Variants in RXRG observed in about 807,000 individuals in gnomAD.
RXRG encodes the protein retinoid X receptor gamma.
Under a neutral mutation model 49.2 loss-of-function variants are expected in RXRG, and 19 were observed. The ratio of observed to expected loss-of-function variants is 0.39; its 90% CI spans 0.27 to 0.57. The LOEUF (loss-of-function observed/expected upper bound fraction) is 0.57. Ranked by LOEUF, RXRG falls within the 20% of genes least tolerant of loss-of-function variation. The pLI, the probability that RXRG is intolerant of heterozygous loss-of-function variation, is 0.64. For missense variants in RXRG, 452 were observed against 592.5 expected (o/e 0.76, Z 2.46); for synonymous variants, 224 against 216.6 (o/e 1.03, Z -0.30).
At chr1:165,434,984 C>A (rs1358207593) in intron 1 of RXRG, among the ~76,000 whole-genome samples, 3 of 152,150 alleles carry the variant, frequency 2.0e-5, no homozygotes, top group Non-Finnish European at 4.4e-5. Context: ...TGAGCAATTG[C>A]CACAAGCCAG....
chr1:165,404,818 G>A (rs187373573), intron 9 of RXRG, among the ~76,000 whole-genome samples: 16 of 152,080 alleles, frequency 1.1e-4, no homozygotes, highest in Non-Finnish European at 1.5e-4. Flanking sequence ...GAGTGCAATG[G>A]CATGATCTCA....
chr1:165,410,137 T>C (rs1189900199), intron 6 of RXRG, among the ~76,000 whole-genome samples: 1 of 152,210 alleles, frequency 6.6e-6, no homozygotes, highest in Non-Finnish European at 1.5e-5. Context: ...CAGCTGACAC[T>C]CAGTGAGTGC....
intron 3 of RXRG, 21 bp from the exon 4 acceptor site, chr1:165,417,241 T>G: frequency 6.4e-7 from 1 of 1,574,100 alleles, no homozygotes; most frequent in Non-Finnish European, 8.7e-7. Flanking sequence ...GAAAAGAACA[T>G]TCCATAGATT....
chr1:165,406,825 C>T lies in RXRG; in HGVS notation c.1231G>A (p.Glu411Lys), dbSNP rs780391845. 1 of 1,613,612 alleles carries T rather than the reference C, an allele frequency of 6.2e-7. No individual in the cohort carries two copies. The highest frequency in any genetic ancestry group is 1.7e-5 in the Admixed American group (1 of 60,018). ...LEAYTKQKYP[E>K]QPGRFAKLLL... is the part of the protein sequence containing the mutation. ...GCACTGTCTCACCTGCCTGGCTGTT[C>T]CGGATACTTCTGCTTGGTGTAGGCC... is the stretch of plus-strand genomic sequence containing the variant. Residue 411 changes from glutamate (E) to lysine (K), a missense_variant, in exon 9 of 10, where the codon GAA (glutamate) becomes AAA (lysine). This residue lies in a region of RXRG where 286 missense variants were observed against 440.9 expected (regional missense o/e 0.65). Transcript: ENST00000359842.
intron 2 of RXRG, 147 bp from the exon 3 acceptor site, chr1:165,420,161 T>A: frequency 1.7e-6 from 1 of 575,572 alleles, no homozygotes; most frequent in Non-Finnish European, 2.7e-6. Flanking sequence ...TGCCTATCTG[T>A]GAGATGAACT....
chr1:165,420,718 A>T (rs1360679311), intron 2 of RXRG, among the ~76,000 whole-genome samples: 1 of 152,236 alleles, frequency 6.6e-6, no homozygotes, highest in Non-Finnish European at 1.5e-5. Flanking sequence ...GATTCCTCAG[A>T]AACTGAGGCT....
In RXRG at chr1:165,417,147, G is replaced by A; in HGVS notation, c.516C>T (p.Ile172=). 1 of 1,614,176 alleles carries A rather than the reference G, an allele frequency of 6.2e-7. No individual in the cohort carries two copies. Among genetic ancestry groups the A allele is most frequent in the Non-Finnish European group, 8.5e-7 (1 of 1,180,002 alleles). The change falls in exon 4 of 10, where the codon ATC becomes ATT. Residue 172 remains isoleucine (I), a synonymous_variant. Transcript: ENST00000359842. The stretch of plus-strand genomic sequence containing the variant: ...AGTCTTTATTATCCCGACACGTGTA[G>A]ATGAGGTCCTTCCTTATCGTCCTCT... ...FFKRTIRKDL[I]YTCRDNKDCL...
At chr1:165,409,504 C>T (rs1247053858) in intron 7 of RXRG, 54 bp downstream of exon 7, 32 of 1,358,406 alleles carry the variant, frequency 2.4e-5, no homozygotes, top group Non-Finnish European at 3.0e-5. Flanking sequence ...CACACACACA[C>T]ACACACACAC....
In RXRG at chr1:165,445,110, T is replaced by G. The variant is rs952317884; in HGVS notation, c.-217A>C. The G allele has an allele frequency of 3.5e-6, 2 of 572,702 alleles. No homozygotes were observed. Among genetic ancestry groups the G allele is most frequent in the Non-Finnish European group, 6.2e-6 (2 of 320,878 alleles). The allele number at this position is 572,702 out of a possible 1,614,324, so 35.5% of individuals were successfully genotyped here. ...CCACATAGTGCGTTTGAGACGGCTG[T>G]GGCGGCAGCAGCTGGTGCCTGTCAG... On this transcript the variant is annotated 5_prime_UTR_variant, in exon 1 of 10. Transcript: ENST00000359842.
intron 2 of RXRG, among the ~76,000 whole-genome samples, chr1:165,426,744 G>A (rs990465006): frequency 5.3e-5 from 8 of 152,118 alleles, no homozygotes; most frequent in Admixed American, 2.0e-4. Context: ...AGGTGTGTGT[G>A]TATATATATA....
intron 6 of RXRG, among the ~76,000 whole-genome samples, 179 bp from the exon 7 acceptor site, chr1:165,409,869 G>A (rs1301988054): frequency 2.0e-5 from 3 of 151,932 alleles, no homozygotes; most frequent in African/African-American, 7.3e-5. Flanking sequence ...ATAAGACTGG[G>A]GTCTCCTGAC....
At chr1:165,405,257 A>T (rs542142799) in intron 9 of RXRG, among the ~76,000 whole-genome samples, 39 of 152,276 alleles carry the variant, frequency 2.6e-4, no homozygotes, top group African/African-American at 9.1e-4. Context: ...ATTTGATAGA[A>T]AGCATCCAAC....
intron 1 of RXRG, among the ~76,000 whole-genome samples, chr1:165,440,414 ATTTT>A (rs200948767): frequency 4.6e-5 from 7 of 151,694 alleles, no homozygotes; most frequent in Non-Finnish European, 1.0e-4. Context: ...TGGATTTAGG[ATTTT>A]TTTTTATTTT....
chr1:165,423,122 C>G (rs1475635513), intron 2 of RXRG, among the ~76,000 whole-genome samples: 1 of 152,200 alleles, frequency 6.6e-6, no homozygotes, highest in Non-Finnish European at 1.5e-5. Flanking sequence ...GATGTTTTCT[C>G]TGTCCATCTC....
intron 2 of RXRG, among the ~76,000 whole-genome samples, chr1:165,423,449 A>G (rs1213086701): frequency 6.6e-6 from 1 of 152,172 alleles, no homozygotes; most frequent in Non-Finnish European, 1.5e-5. Flanking sequence ...ATCCTTGAAC[A>G]TTGAGTCCTG....
chr1:165,406,698 G>T, intron 9 of RXRG, 114 bp downstream of exon 9: 1 of 783,082 alleles, frequency 1.3e-6, no homozygotes, highest in Non-Finnish European at 2.1e-6. Context: ...TTGTTATGAA[G>T]ATTAAATAAC....
Position 165,421,772 on chromosome 1 carries a change from T to A in RXRG, c.298-1758A>T, listed in dbSNP as rs891855886. 3.9e-5 allele frequency among the ~76,000 whole-genome samples: 6 copies of A among 152,126 alleles called. No homozygotes were observed. The East Asian group carries it at 1.2e-3, about 29-fold the overall frequency. ...GTCTCGAACTCCTGACCTCAGGCAA[T>A]CTGCCCGTCTTGGCCTCCCAAAGTT... On this transcript the variant is annotated intron_variant, in intron 2 of 9. Transcript: ENST00000359842.
chr1:165,407,074 T>C (rs1657780501), intron 8 of RXRG, among the ~76,000 whole-genome samples, 157 bp from the exon 9 acceptor site: 1 of 152,218 alleles, frequency 6.6e-6, no homozygotes, highest in Non-Finnish European at 1.5e-5. Context: ...CTTGCTCTTC[T>C]TTCTGTGCCC....
At chr1:165,419,428 T>C (rs1297620197) in intron 3 of RXRG, among the ~76,000 whole-genome samples, 1 of 152,036 alleles carries the variant, frequency 6.6e-6, no homozygotes, top group Non-Finnish European at 1.5e-5. Context: ...TCTCATTCTG[T>C]GGCCTAGGCT....
Sources: allele counts gnomAD v4.1 joint callset (sites outside exome capture counted in the v4.1 genomes callset), GRCh38; gene constraint gnomAD v4.1.1; regional missense constraint gnomAD v4.1.1; transcripts MANE v1.5; gene names NCBI Gene and HGNC (gene_info 2026-07-23, HGNC 2026-07-21).